FRMD6: variants seen among roughly 807,000 people sequenced by gnomAD.
FRMD6 encodes the protein FERM domain containing 6, also known as FERM domain-containing protein 6.
In FRMD6, 37 loss-of-function variants were observed where a neutral mutation model predicts 73.2. The ratio of observed to expected loss-of-function variants is 0.51; its 90% confidence interval spans 0.39 to 0.66. FRMD6 has a LOEUF of 0.66. FRMD6 is among the 30% of genes least tolerant of loss of function. The pLI is 0.00. For synonymous variants in FRMD6, 273 were observed against 282.2 expected (o/e 0.97, Z 0.33); for missense variants, 714 against 780.5 (o/e 0.91, Z 1.02).
intron 1 of FRMD6, among the ~76,000 whole-genome samples, chr14:51,555,982 T>C (rs1887108750): frequency 6.6e-6 from 1 of 152,204 alleles, no homozygotes; most frequent in African/African-American, 2.4e-5. Flanking sequence ...CACTTTATAA[T>C]CACCTTTTGC....
chr14:51,432,214 C>T, the FRMD6 span, among the ~76,000 whole-genome samples: 1 of 152,082 alleles, frequency 6.6e-6, no homozygotes, highest in Non-Finnish European at 1.5e-5. Context: ...GGAAATGCTG[C>T]CTTTGGTGAC....
the FRMD6 span, among the ~76,000 whole-genome samples, chr14:51,405,735 C>A: frequency 1.3e-5 from 2 of 152,086 alleles, no homozygotes; most frequent in East Asian, 1.9e-4. Flanking sequence ...GGATGTTAGA[C>A]CTTTTCCAGA....
chr14:51,690,334 T>A (rs115933592), intron 2 of FRMD6, among the ~76,000 whole-genome samples: 1 of 152,168 alleles, frequency 6.6e-6, no homozygotes, highest in Non-Finnish European at 1.5e-5. Flanking sequence ...CCATTGAAAG[T>A]AGTATCAAAG....
chr14:51,623,161 G>A (rs1463125101), intron 2 of FRMD6, among the ~76,000 whole-genome samples: 1 of 152,142 alleles, frequency 6.6e-6, no homozygotes, highest in Non-Finnish European at 1.5e-5. Context: ...CTGCACACAC[G>A]TTAGAGCAAC....
rs1396536050 is a variant in FRMD6 at position 51,675,995 on chromosome 14, T to C, written c.-146-13696T>C. On this transcript the variant is annotated intron_variant, in intron 1 of 13. Coordinates refer to ENST00000344768, the MANE Select transcript of FRMD6 (RefSeq NM_001267046.2). ...TATTAGCATTTGGGTATGTTTAATTTAGTAAATTATTTTAGCACGTTTCTT... is the reference window on the plus strand; with the variant it reads ...TATTAGCATTTGGGTATGTTTAATTCAGTAAATTATTTTAGCACGTTTCTT... Among the ~76,000 whole-genome samples, 4 of 152,188 alleles carry C rather than the reference T, an allele frequency of 2.6e-5. No individual in the cohort carries two copies. In the East Asian group the frequency reaches 7.7e-4, roughly 29 times the overall value.
At chr14:51,685,379 C>A (rs1895081806) in intron 1 of FRMD6, among the ~76,000 whole-genome samples, 1 of 152,134 alleles carries the variant, frequency 6.6e-6, no homozygotes, top group Non-Finnish European at 1.5e-5. Flanking sequence ...TACTCTGGGC[C>A]TATTTTTCTT....
chr14:51,653,316 G>A (rs888800532), intron 1 of FRMD6, among the ~76,000 whole-genome samples: 3 of 152,188 alleles, frequency 2.0e-5, no homozygotes, highest in Non-Finnish European at 4.4e-5. Flanking sequence ...GCCACAGGGT[G>A]TAGTTTGGGG....
rs192365553 is a variant in FRMD6 at position 51,704,691 on chromosome 14, T to G, written c.372-58T>G. 583 of 1,444,948 alleles carry G rather than the reference T, an allele frequency of 4.0e-4. 4 individuals carry two copies. In the East Asian group the frequency reaches 0.012, roughly 29 times the overall value. The allele number at this position is 1,444,948 out of a possible 1,614,324, so 89.5% of individuals were successfully genotyped here. ...TGGAGAGAAGGATTTGGGTTCTGTT[T>G]ACATGTCATTGGATTATTCCATCAA... On this transcript the variant is annotated intron_variant, in intron 5 of 13. Transcript: ENST00000344768.
the FRMD6 span, among the ~76,000 whole-genome samples, chr14:51,465,665 T>C: frequency 6.6e-6 from 1 of 152,264 alleles, no homozygotes; most frequent in Admixed American, 6.5e-5. Context: ...GGTAGTATTC[T>C]ATTGCATGGA....
the FRMD6 span, among the ~76,000 whole-genome samples, chr14:51,409,274 A>T: frequency 3.6e-4 from 54 of 151,566 alleles, no homozygotes; most frequent in Non-Finnish European, 5.7e-4. Context: ...CAAATCCCTC[A>T]GAGCAAAAGC....
the FRMD6 span, among the ~76,000 whole-genome samples, chr14:51,445,044 G>A: frequency 3.9e-5 from 6 of 152,080 alleles, no homozygotes; most frequent in African/African-American, 1.4e-4. Context: ...TTTTTTATTT[G>A]TTCAATGGAC....
chr14:51,574,347 C>T (rs149382316), intron 2 of FRMD6, among the ~76,000 whole-genome samples: 3 of 152,138 alleles, frequency 2.0e-5, no homozygotes, highest in African/African-American at 4.8e-5. Context: ...ATCCACAGAG[C>T]CTTTAAAGCT....
intron 1 of FRMD6, among the ~76,000 whole-genome samples, chr14:51,568,483 A>G (rs185840620): frequency 2.0e-5 from 3 of 152,344 alleles, no homozygotes; most frequent in African/African-American, 7.2e-5. Context: ...GGAAGTGAGG[A>G]GAGGTGACTA....
chr14:51,721,748 G>GA (rs1566598467), intron 11 of FRMD6, among the ~76,000 whole-genome samples: 16 of 18,894 alleles, frequency 8.5e-4, no homozygotes, highest in African/African-American at 2.2e-3. Context: ...GGAAGGAAGG[G>GA]AGGAAGGAAG....
chr14:51,488,481 G>A (rs1030431251), upstream of FRMD6, among the ~76,000 whole-genome samples: 2 of 152,194 alleles, frequency 1.3e-5, no homozygotes, highest in African/African-American at 4.8e-5. Flanking sequence ...CAACAGCAGA[G>A]CAAGACTTAA....
At chr14:51,661,709 A>G (rs538491031) in intron 1 of FRMD6, among the ~76,000 whole-genome samples, 1 of 152,352 alleles carries the variant, frequency 6.6e-6, no homozygotes, top group Admixed American at 6.5e-5. Context: ...CATTGGATTT[A>G]GCAACCTGGG....
chr14:51,500,717 G>T (rs1322132577), intron 1 of FRMD6, among the ~76,000 whole-genome samples: 2 of 152,060 alleles, frequency 1.3e-5, no homozygotes, highest in East Asian at 3.9e-4. Context: ...AAGGAACCCT[G>T]AAGGCCATAG....
chr14:51,398,264 C>T, the FRMD6 span, among the ~76,000 whole-genome samples: 9 of 152,128 alleles, frequency 5.9e-5, no homozygotes, highest in East Asian at 3.9e-4. Context: ...TTACAAGGGC[C>T]GTTCTGAGAA....
At chr14:51,724,133 T>C (rs1897808387) in intron 12 of FRMD6, 1 of 152,128 alleles carries the variant, frequency 6.6e-6, no homozygotes, top group Admixed American at 6.5e-5. Flanking sequence ...TACACTAAAG[T>C]TGCAGTGATA....
Sources: gnomAD v4.1 joint callset for allele counts (sites outside exome capture counted in the v4.1 genomes callset) on GRCh38, gnomAD v4.1.1 for gene constraint, MANE v1.5 for transcripts, NCBI Gene and HGNC (gene_info 2026-07-23, HGNC 2026-07-21) for gene names.